RARB: variants seen among roughly 807,000 people sequenced by gnomAD.
RARB encodes the protein retinoic acid receptor beta.
Under a neutral mutation model 51.9 loss-of-function variants are expected in RARB, and 17 were observed. The ratio of observed to expected loss-of-function variants is 0.33; its 90% confidence interval spans 0.22 to 0.49. The LOEUF (loss-of-function observed/expected upper bound fraction) is 0.49, where lower values mean the gene tolerates loss of function less well. Among genes scored for constraint, RARB ranks in the 20% least tolerant of loss-of-function variants. The pLI is 0.99. For synonymous variants in RARB, 215 were observed against 195.4 expected, an observed-to-expected ratio of 1.10 and a Z score of -0.84; for missense variants, 369 against 550.8, an observed-to-expected ratio of 0.67 and a Z score of 3.30.
chr3:24,875,621 G>A (rs910732101), intron 2 of RARB, among the ~76,000 whole-genome samples: 1 of 152,058 alleles, frequency 6.6e-6, no homozygotes, highest in Non-Finnish European at 1.5e-5. Flanking sequence ...AGTGTGAAAT[G>A]TCTATTTTCA....
intron 3 of RARB, among the ~76,000 whole-genome samples, chr3:25,548,784 AT>A (rs1176809498): frequency 6.6e-6 from 1 of 151,934 alleles, no homozygotes; most frequent in Admixed American, 6.6e-5. Context: ...CTTTCTTCCC[AT>A]TTTTTATATA....
At chr3:24,860,888 A>G (rs978991243) in intron 2 of RARB, among the ~76,000 whole-genome samples, 1 of 152,208 alleles carries the variant, frequency 6.6e-6, no homozygotes, top group African/African-American at 2.4e-5. Flanking sequence ...ATGACTTAGT[A>G]TACAAGTAAA....
At chr3:24,928,054 G>A (rs1011709824) in intron 2 of RARB, among the ~76,000 whole-genome samples, 1 of 151,980 alleles carries the variant, frequency 6.6e-6, no homozygotes, top group African/African-American at 2.4e-5. Context: ...TTTGAACAGA[G>A]CATTGCAAGT....
chr3:25,060,670 T>C (rs990468609), intron 3 of RARB, among the ~76,000 whole-genome samples: 1 of 151,786 alleles, frequency 6.6e-6, no homozygotes, highest in African/African-American at 2.4e-5. Context: ...TCAAGTTGAT[T>C]TAGAAAACAA....
intron 4 of RARB, among the ~76,000 whole-genome samples, chr3:25,167,256 T>A (rs1700575669): frequency 6.6e-6 from 1 of 152,196 alleles, no homozygotes; most frequent in Admixed American, 6.5e-5. Flanking sequence ...TCCAGTGAAA[T>A]ATAATGGATT....
intron 3 of RARB, among the ~76,000 whole-genome samples, chr3:25,553,648 T>G (rs894835330): frequency 6.6e-6 from 1 of 152,182 alleles, no homozygotes; most frequent in Non-Finnish European, 1.5e-5. Context: ...CTTGATAACA[T>G]CTGCCCTCCA....
chr3:25,223,937 G>T (rs1367497173), intron 5 of RARB, among the ~76,000 whole-genome samples: 1 of 152,094 alleles, frequency 6.6e-6, no homozygotes, highest in South Asian at 2.1e-4. Context: ...TTTACTCTGA[G>T]TATTTCTAAA....
intron 3 of RARB, among the ~76,000 whole-genome samples, chr3:25,568,207 G>T (rs1700574757): frequency 6.6e-6 from 1 of 152,168 alleles, no homozygotes; most frequent in African/African-American, 2.4e-5. Context: ...GTCTAGAAGG[G>T]TGTTCTCTTC....
intron 5 of RARB, among the ~76,000 whole-genome samples, chr3:25,278,766 A>G (rs1703453396): frequency 6.6e-6 from 1 of 152,196 alleles, no homozygotes; most frequent in African/African-American, 2.4e-5. Flanking sequence ...TTGTGAGCAT[A>G]TGAAAGAACA....
intron 3 of RARB, among the ~76,000 whole-genome samples, chr3:25,062,711 G>A (rs540671089): frequency 3.3e-5 from 5 of 152,000 alleles, no homozygotes; most frequent in African/African-American, 1.2e-4. Flanking sequence ...TCCGGAATGT[G>A]CAAATGTTTA....
intron 5 of RARB, among the ~76,000 whole-genome samples, chr3:25,361,433 G>A (rs890036259): frequency 6.6e-6 from 1 of 152,112 alleles, no homozygotes; most frequent in Non-Finnish European, 1.5e-5. Flanking sequence ...ACATGCTCCT[G>A]TAACTCGGAG....
chr3:25,389,834 G>A (rs1458486739), intron 5 of RARB, among the ~76,000 whole-genome samples: 3 of 152,096 alleles, frequency 2.0e-5, no homozygotes, highest in African/African-American at 7.2e-5. Context: ...GGGGCACAAG[G>A]GAAAAGAGCA....
chr3:24,943,457 A>T (rs1462422810), intron 2 of RARB, among the ~76,000 whole-genome samples: 1 of 152,132 alleles, frequency 6.6e-6, no homozygotes, highest in Non-Finnish European at 1.5e-5. Flanking sequence ...CAAATCTCCA[A>T]TGTTGATTGT....
intron 5 of RARB, among the ~76,000 whole-genome samples, chr3:25,287,061 TGTTTCTA>T (rs1188268819): frequency 6.6e-6 from 1 of 152,212 alleles, no homozygotes; most frequent in African/African-American, 2.4e-5. Context: ...AGAGGCAGTT[TGTTTCTA>T]TGTGACTCAA....
At chr3:25,038,321 G>A (rs1222390749) in intron 2 of RARB, among the ~76,000 whole-genome samples, 1 of 152,024 alleles carries the variant, frequency 6.6e-6, no homozygotes. Flanking sequence ...TGGAAACACT[G>A]CTGTTCATGA....
At chr3:25,423,914 A>G (rs1374620875), upstream of RARB, among the ~76,000 whole-genome samples, 10 of 152,230 alleles carry the variant, frequency 6.6e-5, no homozygotes, top group African/African-American at 2.4e-4. Flanking sequence ...TTAACTTTCA[A>G]GTTGGAACCA....
chr3:25,530,988 T>C (rs1160399883), intron 3 of RARB, among the ~76,000 whole-genome samples: 1 of 152,176 alleles, frequency 6.6e-6, no homozygotes, highest in African/African-American at 2.4e-5. Context: ...TGAATGCATA[T>C]AGTTTTTGTT....
intron 5 of RARB, among the ~76,000 whole-genome samples, chr3:25,212,357 C>G (rs569771715): frequency 6.6e-6 from 1 of 152,174 alleles, no homozygotes; most frequent in African/African-American, 2.4e-5. Context: ...CAGTGGCTCA[C>G]GCCCATAATC....
rs192004283 is a variant in RARB at position 25,443,259 on chromosome 3, A to C, written c.157+14371A>C. On this transcript the variant is annotated intron_variant, in intron 1 of 7. Transcript: ENST00000330688. ...TTTGGCTGGGATGGCAAAGTAAGTA[A>C]GCCCTTATAAGTGCATTTGCTGGCA... Among the ~76,000 whole-genome samples, 157 of 152,294 alleles carry C rather than the reference A, an allele frequency of 1.0e-3. 3 individuals are homozygous for C. The highest frequency in any genetic ancestry group is 3.7e-3 in the African/African-American group (153 of 41,548).
Sources: allele counts gnomAD v4.1 joint callset (sites outside exome capture counted in the v4.1 genomes callset), GRCh38; gene constraint gnomAD v4.1.1; transcripts MANE v1.5; gene names NCBI Gene and HGNC (gene_info 2026-07-23, HGNC 2026-07-21).